The following GHR variants were observed in gnomAD, a reference collection of about 807,000 sequenced individuals.
GHR encodes the protein growth hormone receptor.
GHR carries 35 observed loss-of-function variants against 67.1 expected under a neutral mutation model. The observed-to-expected ratio is 0.52, with a 90% CI of 0.40 to 0.69. The LOEUF is 0.69. Ranked by LOEUF, GHR falls within the 30% of genes least tolerant of loss-of-function variation. The pLI, the probability that GHR is intolerant of heterozygous loss-of-function variation, is 0.00. For synonymous variants in GHR, 272 were observed against 269.1 expected (o/e 1.01, Z -0.10); for missense variants, 792 against 764.6 (o/e 1.04, Z -0.42).
intron 1 of GHR, among the ~76,000 whole-genome samples, chr5:42,434,727 T>C (rs1377933915): frequency 6.6e-6 from 1 of 152,130 alleles, no homozygotes; most frequent in Non-Finnish European, 1.5e-5. Flanking sequence ...TCTGAATGGG[T>C]GGAATGTGAA....
intron 6 of GHR, among the ~76,000 whole-genome samples, chr5:42,702,743 A>G (rs1757991284): frequency 6.6e-6 from 1 of 151,888 alleles, no homozygotes; most frequent in Admixed American, 6.6e-5. Flanking sequence ...CCATCCTAAC[A>G]TCTTTGTGCA....
intron 1 of GHR, among the ~76,000 whole-genome samples, chr5:42,545,360 GA>G (rs1282787049): frequency 1.3e-5 from 2 of 151,522 alleles, no homozygotes; most frequent in South Asian, 2.1e-4. Context: ...ATGTTAAATG[GA>G]AAAAAAATAA....
At chr5:42,711,398 G>T (rs781098682) in intron 7 of GHR, 26 bp downstream of exon 7, 2 of 1,547,880 alleles carry the variant, frequency 1.3e-6, no homozygotes, top group Non-Finnish European at 1.8e-6. Context: ...GATTAAAATA[G>T]TAGCTAACCT....
At chr5:42,610,572 G>A (rs576128106) in intron 2 of GHR, among the ~76,000 whole-genome samples, 57 of 152,144 alleles carry the variant, frequency 3.7e-4, no homozygotes, top group African/African-American at 1.3e-3. Flanking sequence ...ATGTGCAAGA[G>A]ATTTATCTGG....
At chr5:42,467,751 CACA>C in intron 1 of GHR, 1 of 1,553,152 alleles carries the variant, frequency 6.4e-7, no homozygotes, top group Non-Finnish European at 8.9e-7. Flanking sequence ...TTCTCTGATG[CACA>C]ACGAGGTTTG....
At chr5:42,689,633 G>C (rs1757328204) in intron 4 of GHR, among the ~76,000 whole-genome samples, 1 of 152,124 alleles carries the variant, frequency 6.6e-6, no homozygotes, top group African/African-American at 2.4e-5. Flanking sequence ...GGCAGTCTTG[G>C]CATATTTGAG....
intron 2 of GHR, among the ~76,000 whole-genome samples, chr5:42,566,900 G>A (rs747905514): frequency 1.6e-4 from 25 of 152,142 alleles, no homozygotes; most frequent in South Asian, 2.1e-4. Flanking sequence ...CCGTAGTAGT[G>A]AGCTGCTGAG....
At chr5:42,673,035 G>A (rs1756395105) in intron 3 of GHR, among the ~76,000 whole-genome samples, 1 of 152,022 alleles carries the variant, frequency 6.6e-6, no homozygotes, top group African/African-American at 2.4e-5. Context: ...TCTAATATCT[G>A]GCGTCTGTTA....
chr5:42,471,342 G>A (rs1205487983), intron 1 of GHR, among the ~76,000 whole-genome samples: 1 of 152,154 alleles, frequency 6.6e-6, no homozygotes, highest in Non-Finnish European at 1.5e-5. Flanking sequence ...TGAGTGATTT[G>A]TCCTTTGGTT....
At chr5:42,467,924 C>A in intron 1 of GHR, 1 of 729,054 alleles carries the variant, frequency 1.4e-6, no homozygotes, top group Middle Eastern at 2.5e-4. Flanking sequence ...AGGTAAGTGA[C>A]AGTCATTCAC....
At chr5:42,561,145 A>C (rs1416049822) in intron 1 of GHR, among the ~76,000 whole-genome samples, 1 of 152,190 alleles carries the variant, frequency 6.6e-6, no homozygotes, top group Non-Finnish European at 1.5e-5. Context: ...TTACCATACA[A>C]GTTCACCACA....
intron 1 of GHR, among the ~76,000 whole-genome samples, chr5:42,472,084 G>A (rs1381097258): frequency 1.3e-5 from 2 of 152,282 alleles, no homozygotes; most frequent in East Asian, 1.9e-4. Flanking sequence ...TAAACAAGAG[G>A]TCTTTTGCAA....
At chr5:42,605,110 T>C (rs1471818395) in intron 2 of GHR, among the ~76,000 whole-genome samples, 1 of 147,458 alleles carries the variant, frequency 6.8e-6, no homozygotes, top group Non-Finnish European at 1.5e-5. Context: ...TTTTTTTTTT[T>C]TTTTGAGACA....
At chr5:42,557,662 T>G (rs1382153845) in intron 1 of GHR, among the ~76,000 whole-genome samples, 1 of 152,138 alleles carries the variant, frequency 6.6e-6, no homozygotes, top group Non-Finnish European at 1.5e-5. Context: ...CCAAAGCACA[T>G]TCACTTAACC....
intron 1 of GHR, among the ~76,000 whole-genome samples, chr5:42,458,824 G>C (rs2940914): frequency 0.22 from 32,976 of 152,026 alleles, 3,911 homozygotes; most frequent in African/African-American, 0.29. Context: ...AGTGAGCAAA[G>C]GACATTAACA....
chr5:42,446,984 A>G (rs1365157307), intron 1 of GHR, among the ~76,000 whole-genome samples: 1 of 152,182 alleles, frequency 6.6e-6, no homozygotes, highest in Non-Finnish European at 1.5e-5. Flanking sequence ...TGGTGATGAG[A>G]TTGACACGAA....
intron 1 of GHR, among the ~76,000 whole-genome samples, chr5:42,507,789 T>C (rs1297035205): frequency 1.3e-5 from 2 of 152,208 alleles, no homozygotes; most frequent in African/African-American, 2.4e-5. Context: ...GAAGCTAAAG[T>C]TCTGGAGAGA....
chr5:42,615,434 G>A (rs983602454), intron 2 of GHR, among the ~76,000 whole-genome samples: 1 of 151,992 alleles, frequency 6.6e-6, no homozygotes, highest in Non-Finnish European at 1.5e-5. Context: ...CTAAGCTCAG[G>A]AATCATGTCT....
At chr5:42,548,607 T>G in intron 1 of GHR, 1 of 477,434 alleles carries the variant, frequency 2.1e-6, no homozygotes, top group Non-Finnish European at 2.7e-6. Flanking sequence ...ACTTTTGCAT[T>G]TTTTAGATAT....
Sources: allele counts gnomAD v4.1 joint callset (sites outside exome capture counted in the v4.1 genomes callset), GRCh38; gene constraint gnomAD v4.1.1; transcripts MANE v1.5; gene names NCBI Gene and HGNC (gene_info 2026-07-23, HGNC 2026-07-21).